The following ELOVL6 variants were observed in gnomAD, a reference collection of about 807,000 sequenced individuals.
ELOVL6 encodes the protein very long chain fatty acid elongase 6.
A neutral mutation model predicts 31.7 loss-of-function variants in ELOVL6; 8 were observed. That is an observed-to-expected ratio of 0.25 (90% CI 0.15 to 0.45). The LOEUF is 0.45. ELOVL6 is among the 20% of genes least tolerant of loss of function. ELOVL6 has a pLI of 1.00. For missense variants in ELOVL6, 126 were observed against 326.4 expected (o/e 0.39, Z 4.73); for synonymous variants, 101 against 117.7 (o/e 0.86, Z 0.92).
intron 1 of ELOVL6, among the ~76,000 whole-genome samples, chr4:110,140,194 G>C (rs192242231): frequency 2.0e-4 from 31 of 152,266 alleles, no homozygotes; most frequent in Admixed American, 1.1e-3. Flanking sequence ...TGAAAAAGTT[G>C]GGTCTCTTTT....
At chr4:110,186,184 C>T (rs950059806) in intron 1 of ELOVL6, among the ~76,000 whole-genome samples, 6 of 151,680 alleles carry the variant, frequency 4.0e-5, no homozygotes, top group Admixed American at 3.3e-4. Context: ...AGCGAGACTC[C>T]GTCCCAAAAC....
rs958590855 is a variant in ELOVL6, at chr4:110,176,451, C to T, written c.89+21796G>A. ...CTGAGATTACAGGCATGAGCCACTG[C>T]GCCTAGCCTCAAAGTTTCTATTTTT... is the stretch of plus-strand genomic sequence containing the variant. On this transcript the variant is annotated intron_variant, in intron 1 of 3. Transcript: ENST00000302274. Among the ~76,000 whole-genome samples the T allele has an allele frequency of 7.2e-5, 11 of 152,150 alleles. 1 individual carries two copies. The South Asian group carries it at 1.7e-3, about 23-fold the overall frequency.
intron 2 of ELOVL6, among the ~76,000 whole-genome samples, chr4:110,085,639 A>C (rs1756243206): frequency 6.6e-6 from 1 of 152,216 alleles, no homozygotes; most frequent in Admixed American, 6.5e-5. Flanking sequence ...GGGGCATATA[A>C]GCCTCCTAAT....
Position 110,060,922 on chromosome 4 carries a change from C to T in ELOVL6, c.222-1168G>A, listed in dbSNP as rs527241477. On this transcript the variant is annotated intron_variant, in intron 2 of 3. Coordinates refer to ENST00000302274, the MANE Select transcript of ELOVL6 (RefSeq NM_024090.3). ...CTCTAGAATAAATCATTCCACTAGGCTAACCTGTCCAGAAAGCACGCATCT... is the reference window on the plus strand; with the variant it reads ...CTCTAGAATAAATCATTCCACTAGGTTAACCTGTCCAGAAAGCACGCATCT... 2.6e-5 allele frequency among the ~76,000 whole-genome samples: 4 copies of T among 152,300 alleles called. No homozygotes were observed. The East Asian group carries it at 7.7e-4, about 29-fold the overall frequency.
chr4:110,068,085 A>T (rs1755358795), intron 2 of ELOVL6, among the ~76,000 whole-genome samples: 1 of 152,220 alleles, frequency 6.6e-6, no homozygotes, highest in Non-Finnish European at 1.5e-5. Flanking sequence ...GTAATAAATA[A>T]ATTAAAACTA....
intron 1 of ELOVL6, among the ~76,000 whole-genome samples, chr4:110,177,324 C>A (rs570259170): frequency 2.9e-4 from 44 of 152,144 alleles, no homozygotes; most frequent in African/African-American, 1.0e-3. Context: ...GTAGTTCAAA[C>A]TACTTGGGAG....
intron 2 of ELOVL6, among the ~76,000 whole-genome samples, chr4:110,069,167 TAATAGG>T (rs201332262): frequency 0.021 from 3,022 of 144,300 alleles, 205 homozygotes; most frequent in East Asian, 0.14. Context: ...ATAATAATAA[TAATAGG>T]GACACTTGGT....
At chr4:110,094,438 T>TATATATATATATATATATATATAA (rs1383825931) in intron 2 of ELOVL6, among the ~76,000 whole-genome samples, 2 of 55,338 alleles carry the variant, frequency 3.6e-5, no homozygotes, top group African/African-American at 8.6e-5. Flanking sequence ...TATATATATA[T>TATATATATATATATATATATATAA]ATATAATATA....
chr4:110,070,154 G>A (rs1208625736), intron 2 of ELOVL6, among the ~76,000 whole-genome samples: 1 of 152,130 alleles, frequency 6.6e-6, no homozygotes, highest in Non-Finnish European at 1.5e-5. Context: ...ATGCCACAAC[G>A]CATTCCTGTG....
intron 1 of ELOVL6, among the ~76,000 whole-genome samples, chr4:110,157,665 C>G (rs1288658157): frequency 6.8e-6 from 1 of 147,724 alleles, no homozygotes; most frequent in African/African-American, 2.5e-5. Flanking sequence ...AGCAAGGCTC[C>G]GTCTCAAAAA....
chr4:110,136,934 G>A (rs181689944), intron 1 of ELOVL6, among the ~76,000 whole-genome samples: 105 of 152,282 alleles, frequency 6.9e-4, no homozygotes, highest in African/African-American at 2.5e-3. Context: ...CTGTTAAAGA[G>A]CTGTGACACT....
At chr4:110,101,203 C>T (rs1756731136) in intron 2 of ELOVL6, among the ~76,000 whole-genome samples, 1 of 152,118 alleles carries the variant, frequency 6.6e-6, no homozygotes, top group Non-Finnish European at 1.5e-5. Context: ...CCATGCCTGG[C>T]TAATTTTTGT....
chr4:110,156,064 C>T (rs919269926), intron 1 of ELOVL6, among the ~76,000 whole-genome samples: 4 of 152,098 alleles, frequency 2.6e-5, no homozygotes, highest in African/African-American at 9.7e-5. Flanking sequence ...TCTTTAAATA[C>T]CTATTCAAGA....
At chr4:110,177,844 C>G (rs1423976882) in intron 1 of ELOVL6, among the ~76,000 whole-genome samples, 1 of 152,114 alleles carries the variant, frequency 6.6e-6, no homozygotes, top group Non-Finnish European at 1.5e-5. Context: ...TAAAAGTTCC[C>G]TGATTGGCAT....
chr4:110,084,563 G>GATAT (rs1553956219), intron 2 of ELOVL6, among the ~76,000 whole-genome samples: 620 of 44,466 alleles, frequency 0.014, 11 homozygotes, highest in Admixed American at 0.019. Flanking sequence ...CACACACACA[G>GATAT]ATATATATAT....
chr4:110,144,844 T>C (rs568803290), intron 1 of ELOVL6, among the ~76,000 whole-genome samples: 7 of 152,190 alleles, frequency 4.6e-5, no homozygotes, highest in Non-Finnish European at 1.0e-4. Context: ...GTTGTTAAGA[T>C]GGAAATTCCA....
intron 2 of ELOVL6, among the ~76,000 whole-genome samples, chr4:110,076,643 C>T (rs1051771185): frequency 6.6e-6 from 1 of 152,188 alleles, no homozygotes; most frequent in African/African-American, 2.4e-5. Context: ...CTCCAGTCTA[C>T]AGCTCCCAGT....
rs374004648 is a variant in ELOVL6 at position 110,103,517 on chromosome 4, TATA to T, written c.221+1977_221+1979del. ...ATCAAGCATTTATCCTAATCTTTGCTATAATAACTGTATATACTTCAAGATAAC... is the reference window on the plus strand; with the variant it reads ...ATCAAGCATTTATCCTAATCTTTGCTATAACTGTATATACTTCAAGATAAC... On this transcript the variant is annotated intron_variant, in intron 2 of 3. Coordinates refer to ENST00000302274, the MANE Select transcript of ELOVL6 (RefSeq NM_024090.3). Among the ~76,000 whole-genome samples, 62 of 152,326 alleles carry T rather than the reference TATA, an allele frequency of 4.1e-4. 3 individuals carry two copies. The South Asian group carries it at 0.012, about 30-fold the overall frequency.
chr4:110,126,915 CATGCAT>C (rs1685534505), intron 1 of ELOVL6, among the ~76,000 whole-genome samples: 1 of 151,888 alleles, frequency 6.6e-6, no homozygotes, highest in Non-Finnish European at 1.5e-5. Flanking sequence ...ACTTTGATAA[CATGCAT>C]ATCAAAATTA....
Sources: gnomAD v4.1 joint callset for allele counts (sites outside exome capture counted in the v4.1 genomes callset) on GRCh38, gnomAD v4.1.1 for gene constraint, MANE v1.5 for transcripts, NCBI Gene and HGNC (gene_info 2026-07-23, HGNC 2026-07-21) for gene names.